Variants in ATP10A observed in about 807,000 individuals in gnomAD.
ATP10A encodes phospholipid-transporting ATPase VA.
A neutral mutation model predicts 147.8 loss-of-function variants in ATP10A; 111 were observed. The ratio of observed to expected loss-of-function variants is 0.75; its 90% CI spans 0.64 to 0.88. ATP10A has a LOEUF of 0.88. Among genes scored for constraint, ATP10A ranks in the 40% least tolerant of loss-of-function variants. ATP10A has a pLI of 0.00. For missense variants in ATP10A, 1,927 were observed against 1,959.0 expected (o/e 0.98, Z 0.31); for synonymous variants, 875 against 841.6 (o/e 1.04, Z -0.69).
chr15:25,726,865 T>C (rs1349768994), intron 4 of ATP10A, among the ~76,000 whole-genome samples: 13 of 146,832 alleles, frequency 8.9e-5, no homozygotes, highest in South Asian at 6.6e-4. Context: ...TCCTGGCTAA[T>C]ACGGTGAAAT....
intron 8 of ATP10A, 129 bp downstream of exon 8, chr15:25,718,053 T>C (rs1226851831): frequency 3.1e-6 from 3 of 980,450 alleles, no homozygotes; most frequent in African/African-American, 3.3e-5. Flanking sequence ...AAGCTTCTGC[T>C]GAGTAGAGCC....
intron 1 of ATP10A, among the ~76,000 whole-genome samples, chr15:25,796,449 C>A (rs149434558): frequency 6.6e-6 from 1 of 152,314 alleles, no homozygotes; most frequent in East Asian, 1.9e-4. Flanking sequence ...ATGAGTGTGG[C>A]ACTGGCCTCT....
Position 25,700,706 on chromosome 15 carries a change from G to A in ATP10A, c.2760+1210C>T, listed in dbSNP as rs115600526. ...AGTTACAATTGCACGGGGGTAGCAT[G>A]GCAGACTTTCTGGGGATGATGGAAC... is the stretch of plus-strand genomic sequence containing the variant. On this transcript the variant is annotated intron_variant, in intron 13 of 20. Coordinates refer to ENST00000555815, the MANE Select transcript of ATP10A (RefSeq NM_024490.4). Among the ~76,000 whole-genome samples the A allele has an allele frequency of 6.3e-3, 953 of 152,252 alleles. 6 individuals carry two copies. The highest frequency in any genetic ancestry group is 0.021 in the African/African-American group (886 of 41,536).
intron 2 of ATP10A, among the ~76,000 whole-genome samples, chr15:25,748,408 A>G (rs917690382): frequency 1.5e-5 from 2 of 135,418 alleles, no homozygotes; most frequent in African/African-American, 5.0e-5. Context: ...AAATCATATG[A>G]TCAACTCAAC....
intron 2 of ATP10A, among the ~76,000 whole-genome samples, chr15:25,778,268 C>G (rs1201340030): frequency 6.6e-6 from 1 of 152,084 alleles, no homozygotes. Context: ...CAGATTATTA[C>G]CAGTTCTTAA....
At chr15:25,706,915 C>G (rs1479087127) in intron 12 of ATP10A, among the ~76,000 whole-genome samples, 1 of 152,126 alleles carries the variant, frequency 6.6e-6, no homozygotes, top group Non-Finnish European at 1.5e-5. Context: ...CCGGGGAAGC[C>G]CAATCAGTCC....
At chr15:25,719,311 A>G (rs936183907) in intron 7 of ATP10A, among the ~76,000 whole-genome samples, 1 of 152,200 alleles carries the variant, frequency 6.6e-6, no homozygotes, top group African/African-American at 2.4e-5. Flanking sequence ...GTGAGAGATG[A>G]GAAAAATGGG....
At chr15:25,687,384 G>T (rs1041268097) in intron 16 of ATP10A, among the ~76,000 whole-genome samples, 10 of 151,980 alleles carry the variant, frequency 6.6e-5, no homozygotes, top group Non-Finnish European at 1.2e-4. Flanking sequence ...TTTACCAGCT[G>T]TGTGCCCCTG....
intron 2 of ATP10A, among the ~76,000 whole-genome samples, chr15:25,770,865 C>T (rs941326744): frequency 3.3e-5 from 5 of 152,138 alleles, no homozygotes; most frequent in Admixed American, 6.5e-5. Flanking sequence ...GACATCTGGG[C>T]GTGGCCAACC....
At chr15:25,728,702 T>C (rs948583532) in intron 3 of ATP10A, among the ~76,000 whole-genome samples, 4 of 152,236 alleles carry the variant, frequency 2.6e-5, no homozygotes, top group Admixed American at 6.5e-5. Context: ...ATAAACTTTA[T>C]AGAAACAAGA....
In ATP10A at chr15:25,862,739, C is replaced by T; in HGVS notation, c.358G>A (p.Ala120Thr). The T allele has an allele frequency of 6.2e-7, 1 of 1,612,260 alleles. No individual in the cohort carries two copies. Among genetic ancestry groups the T allele is most frequent in the Non-Finnish European group, 8.5e-7 (1 of 1,179,334 alleles). ...CACAGGTCCCTGAAGGCCGTGATGG[C>T]CAGGATGAAGAGCACCGGCGCCAGT... The part of the protein sequence containing the change: ...LALAPVLFIL[A>T]ITAFRDLWED... Residue 120 changes from alanine to threonine, a missense_variant, in exon 1 of 21, where the codon GCC (alanine) becomes ACC (threonine). Ala to Thr is a moderately conservative substitution (Grantham distance 58). Coordinates refer to ENST00000555815, the MANE Select transcript of ATP10A (RefSeq NM_024490.4).
At chr15:25,765,379 G>A (rs1029890648) in intron 2 of ATP10A, among the ~76,000 whole-genome samples, 6 of 152,112 alleles carry the variant, frequency 3.9e-5, no homozygotes, top group African/African-American at 1.4e-4. Flanking sequence ...TGATATCTCA[G>A]AAGCCCTCCA....
chr15:25,733,740 C>T lies in ATP10A; in HGVS notation c.740+2316G>A, dbSNP rs111855774. On this transcript the variant is annotated intron_variant, in intron 3 of 20. Coordinates refer to ENST00000555815, the MANE Select transcript of ATP10A (RefSeq NM_024490.4). Reference sequence around the variant, plus strand: ...GCCCAGATGGTGCCTGTGCCCAGGCCACAAGGGGGCTACCAGGGTTGGACG... The same window carrying T: ...GCCCAGATGGTGCCTGTGCCCAGGCTACAAGGGGGCTACCAGGGTTGGACG... Among the ~76,000 whole-genome samples, 1,113 of 152,310 alleles carry T rather than the reference C, an allele frequency of 7.3e-3. 10 individuals carry two copies. The highest frequency in any genetic ancestry group is 0.02 in the Middle Eastern group (6 of 294).
rs1203097997 is a variant in ATP10A, at chr15:25,863,138, C to T, written c.-42G>A. On this transcript the variant is annotated 5_prime_UTR_variant, in exon 1 of 21. Transcript: ENST00000555815. ...GCCCGGCTCCTCCGCCGCTCACGCC[C>T]GCCCGCGCCGGCCTCTTAGGTTATC... is the stretch of plus-strand genomic sequence containing the variant. 38 of 1,111,572 alleles carry T rather than the reference C, an allele frequency of 3.4e-5. No homozygotes were observed. The East Asian group carries it at 5.1e-4, about 15-fold the overall frequency. 68.9% of individuals were successfully genotyped at this position (1,111,572 alleles called of 1,614,324 possible). A position where few individuals can be genotyped will look rare whatever the true frequency, so the allele number is the denominator to read the frequency against.
intron 1 of ATP10A, among the ~76,000 whole-genome samples, chr15:25,851,845 C>T (rs573819878): frequency 6.6e-6 from 1 of 152,178 alleles, no homozygotes; most frequent in South Asian, 2.1e-4. Context: ...GGGATGATTG[C>T]TTGAGGCCAG....
chr15:25,820,364 G>C (rs1891829252), intron 1 of ATP10A, among the ~76,000 whole-genome samples: 1 of 152,094 alleles, frequency 6.6e-6, no homozygotes, highest in African/African-American at 2.4e-5. Context: ...AGTACTTTCT[G>C]AAAGACTTAA....
At chr15:25,789,072 C>G (rs1031611725) in intron 1 of ATP10A, among the ~76,000 whole-genome samples, 1 of 152,130 alleles carries the variant, frequency 6.6e-6, no homozygotes, top group Non-Finnish European at 1.5e-5. Context: ...GATCCTCCCT[C>G]CTCAGCCTAC....
Position 25,680,133 on chromosome 15 carries a change from G to A in ATP10A, c.3854C>T (p.Ala1285Val). Residue 1285 changes from alanine to valine, a missense_variant, in exon 20 of 21, where the codon GCA becomes GTA. Coordinates refer to ENST00000555815, the MANE Select transcript of ATP10A (RefSeq NM_024490.4). ...YLTCLMTPVA[A>V]LLPRLFFRSL... ...CTCCGACACCCACCTGGGCAGCAGT[G>A]CAGCGACAGGCGTCATCAGGCAAGT... is the stretch of plus-strand genomic sequence containing the variant. The A allele has an allele frequency of 6.2e-7, 1 of 1,613,760 alleles. No individual in the cohort carries two copies. The highest frequency in any genetic ancestry group is 8.5e-7 in the Non-Finnish European group (1 of 1,180,004).
At chr15:25,700,197 C>T (rs1439271956) in intron 13 of ATP10A, among the ~76,000 whole-genome samples, 1 of 152,136 alleles carries the variant, frequency 6.6e-6, no homozygotes, top group Non-Finnish European at 1.5e-5. Context: ...ACTACACACC[C>T]ATTAGAGGGG....
Sources: gnomAD v4.1 joint callset for allele counts (sites outside exome capture counted in the v4.1 genomes callset) on GRCh38, gnomAD v4.1.1 for gene constraint, MANE v1.5 for transcripts, NCBI Gene and HGNC (gene_info 2026-07-23, HGNC 2026-07-21) for gene names.